The following ABCA1 variants were observed in gnomAD, a reference collection of about 807,000 sequenced individuals.
ABCA1 encodes the protein ATP binding cassette subfamily A member 1.
Under a neutral mutation model 262.5 loss-of-function variants are expected in ABCA1, and 133 were observed. The ratio of observed to expected loss-of-function variants is 0.51; its 90% CI spans 0.44 to 0.59. ABCA1 has a LOEUF of 0.59. Ranked by LOEUF, ABCA1 falls within the 20% of genes least tolerant of loss-of-function variation. The pLI, the probability that ABCA1 is intolerant of heterozygous loss-of-function variation, is 0.00. For missense variants in ABCA1, 2,452 were observed against 2,777.5 expected (o/e 0.88, Z 2.63); for synonymous variants, 1,022 against 1,043.5 (o/e 0.98, Z 0.40).
At chr9:104,849,310 G>C (rs1835175870) in intron 7 of ABCA1, among the ~76,000 whole-genome samples, 1 of 152,118 alleles carries the variant, frequency 6.6e-6, no homozygotes, top group Non-Finnish European at 1.5e-5. Context: ...TACATTAGCA[G>C]ACACAAATTC....
chr9:104,814,627 C>A, intron 25 of ABCA1, 152 bp from the exon 26 acceptor site: 1 of 826,590 alleles, frequency 1.2e-6, no homozygotes, highest in Non-Finnish European at 2.0e-6. Flanking sequence ...CTCAGAGTTA[C>A]CTGGGAGAGA....
intron 1 of ABCA1, among the ~76,000 whole-genome samples, chr9:104,914,541 C>T (rs1841721121): frequency 2.0e-5 from 3 of 151,720 alleles, no homozygotes; most frequent in African/African-American, 7.3e-5. Context: ...CTTATAATTC[C>T]TCCATCTTTT....
intron 1 of ABCA1, among the ~76,000 whole-genome samples, chr9:104,920,883 C>T (rs901138385): frequency 3.3e-5 from 5 of 152,144 alleles, no homozygotes; most frequent in East Asian, 1.9e-4. Flanking sequence ...TTATATTATA[C>T]GGTTCACATT....
intron 1 of ABCA1, among the ~76,000 whole-genome samples, chr9:104,912,480 A>C (rs1192052480): frequency 6.6e-6 from 1 of 152,248 alleles, no homozygotes; most frequent in Non-Finnish European, 1.5e-5. Context: ...GGACAACCAA[A>C]GATCCTATTT....
At chr9:104,925,080 G>A (rs1842351874) in intron 1 of ABCA1, among the ~76,000 whole-genome samples, 1 of 152,142 alleles carries the variant, frequency 6.6e-6, no homozygotes, top group African/African-American at 2.4e-5. Flanking sequence ...TATGTTCTAA[G>A]TCAAAATGTG....
chr9:104,851,710 C>A (rs1055600264), intron 7 of ABCA1, among the ~76,000 whole-genome samples: 2 of 152,216 alleles, frequency 1.3e-5, no homozygotes, highest in African/African-American at 4.8e-5. Context: ...GTCTGTCCCA[C>A]CCATTCCCCA....
Position 104,814,114 on chromosome 9 carries a change from A to C in ABCA1, c.3901+4T>G, listed in dbSNP as rs200137860. 11 of 1,613,900 alleles carry C rather than the reference A, an allele frequency of 6.8e-6. No individual in the cohort carries two copies. Among genetic ancestry groups the C allele is most frequent in the African/African-American group, 4.0e-5 (3 of 75,066 alleles). ...GGACACTGTTTGATCTTGCCCTAAC[A>C]GACCTGGGTCTATGTCAGAATCATT... is the stretch of plus-strand genomic sequence containing the variant. On this transcript the variant is annotated splice_donor_region_variant and intron_variant, in intron 27 of 49. Coordinates refer to ENST00000374736, the MANE Select transcript of ABCA1 (RefSeq NM_005502.4).
At chr9:104,923,518 T>G (rs1235291752) in intron 1 of ABCA1, among the ~76,000 whole-genome samples, 1 of 152,180 alleles carries the variant, frequency 6.6e-6, no homozygotes, top group East Asian at 1.9e-4. Flanking sequence ...ATACAGGCTG[T>G]AGATTCTGAT....
In ABCA1 at chr9:104,800,708, A is replaced by C. The variant is rs1310292437; in HGVS notation, c.4699-124T>G. ...AGCAATGCCACTACCTTGTTCACTGAAATTAAATGTGAAGCCATTAAATAA... is the reference window on the plus strand; with the variant it reads ...AGCAATGCCACTACCTTGTTCACTGCAATTAAATGTGAAGCCATTAAATAA... On this transcript the variant is annotated intron_variant, in intron 34 of 49. Transcript: ENST00000374736. 3 of 851,278 alleles carry C rather than the reference A, an allele frequency of 3.5e-6. No homozygotes were observed. The African/African-American group carries it at 5.0e-5, about 14-fold the overall frequency. The allele number at this position is 851,278 out of a possible 1,614,324, so 52.7% of individuals were successfully genotyped here. A position where few individuals can be genotyped will look rare whatever the true frequency, so the allele number is the denominator to read the frequency against.
chr9:104,827,213 C>G (rs1343202581), intron 15 of ABCA1, 44 bp from the exon 16 acceptor site: 1 of 1,501,958 alleles, frequency 6.7e-7, no homozygotes. Flanking sequence ...TCAACAATCC[C>G]AAGCACTCAC....
intron 5 of ABCA1, among the ~76,000 whole-genome samples, chr9:104,875,467 C>T (rs1224432858): frequency 1.3e-5 from 2 of 152,036 alleles, no homozygotes; most frequent in African/African-American, 2.4e-5. Flanking sequence ...GAGAGAGAAA[C>T]TCCATACTCA....
At chr9:104,791,796 G>A (rs185538797) in intron 43 of ABCA1, 140 bp downstream of exon 43, 32 of 771,022 alleles carry the variant, frequency 4.2e-5, no homozygotes, top group Admixed American at 4.0e-4. Context: ...CTCTCTTCTC[G>A]ATGACTAATT....
At chr9:104,858,036 C>T (rs888542028) in intron 7 of ABCA1, among the ~76,000 whole-genome samples, 1 of 152,160 alleles carries the variant, frequency 6.6e-6, no homozygotes, top group Non-Finnish European at 1.5e-5. Context: ...TTTTTCTTTG[C>T]AATGTTATTA....
At chr9:104,875,953 G>A (rs1838128785) in intron 5 of ABCA1, among the ~76,000 whole-genome samples, 2 of 152,158 alleles carry the variant, frequency 1.3e-5, no homozygotes, top group South Asian at 4.1e-4. Context: ...TGATCTTTGC[G>A]GTCCCACAAA....
chr9:104,814,631 G>T (rs1201959632), intron 25 of ABCA1, among the ~76,000 whole-genome samples, 156 bp from the exon 26 acceptor site: 1 of 152,170 alleles, frequency 6.6e-6, no homozygotes, highest in African/African-American at 2.4e-5. Flanking sequence ...GAGTTACCTG[G>T]GAGAGAAGCC....
intron 5 of ABCA1, among the ~76,000 whole-genome samples, chr9:104,882,694 C>G (rs1402465557): frequency 6.6e-6 from 1 of 152,242 alleles, no homozygotes; most frequent in East Asian, 1.9e-4. Context: ...AATACTCTGT[C>G]TATAAATCCA....
At chr9:104,910,841 A>G (rs1841452224) in intron 1 of ABCA1, among the ~76,000 whole-genome samples, 1 of 152,100 alleles carries the variant, frequency 6.6e-6, no homozygotes, top group Non-Finnish European at 1.5e-5. Flanking sequence ...AGTAGCTGGG[A>G]TTACAGGTGC....
chr9:104,861,439 A>G (rs901501694), intron 6 of ABCA1: 5 of 604,720 alleles, frequency 8.3e-6, no homozygotes, highest in Non-Finnish European at 1.5e-5. Flanking sequence ...GCCAAGTGAT[A>G]AGCCAGAAAT....
At chr9:104,862,866 G>A (rs752094759) in intron 5 of ABCA1, among the ~76,000 whole-genome samples, 7 of 149,658 alleles carry the variant, frequency 4.7e-5, no homozygotes, top group South Asian at 2.1e-4. Context: ...AGTGCATTAC[G>A]CATATCAAAG....
Sources: gnomAD v4.1 joint callset for allele counts (sites outside exome capture counted in the v4.1 genomes callset) on GRCh38, gnomAD v4.1.1 for gene constraint, MANE v1.5 for transcripts, NCBI Gene and HGNC (gene_info 2026-07-23, HGNC 2026-07-21) for gene names.